The following FRMD5 variants were observed in gnomAD, a reference collection of about 807,000 sequenced individuals.
FRMD5 encodes the protein FERM domain containing 5.
A neutral mutation model predicts 69.0 loss-of-function variants in FRMD5; 20 were observed. That is an observed-to-expected ratio of 0.29 (90% CI 0.20 to 0.42). FRMD5 has a LOEUF of 0.42. FRMD5 is among the 10% of genes least tolerant of loss of function. FRMD5 has a pLI of 1.00. For synonymous variants in FRMD5, 271 were observed against 260.1 expected (o/e 1.04, Z -0.40); for missense variants, 595 against 708.6 (o/e 0.84, Z 1.82).
At chr15:43,876,006 C>T in intron 13 of FRMD5, 1 of 1,310,662 alleles carries the variant, frequency 7.6e-7, no homozygotes, top group Non-Finnish European at 1.1e-6. Flanking sequence ...ACCCAAGACG[C>T]CCCCTTGCCT....
chr15:43,986,256 C>T (rs1390098397), intron 1 of FRMD5, among the ~76,000 whole-genome samples: 7 of 152,176 alleles, frequency 4.6e-5, no homozygotes, highest in African/African-American at 1.7e-4. Flanking sequence ...GGGGTTGCCT[C>T]CTTGTCTTCC....
At chr15:44,063,792 C>T (rs1196238824) in intron 1 of FRMD5, 1 of 319,362 alleles carries the variant, frequency 3.1e-6, no homozygotes, top group Non-Finnish European at 6.1e-6. Flanking sequence ...GCACTAATTA[C>T]ATCATGGAGT....
At chr15:43,999,551 G>C (rs1368633339) in intron 1 of FRMD5, among the ~76,000 whole-genome samples, 2 of 151,914 alleles carry the variant, frequency 1.3e-5, no homozygotes. Context: ...ATTTACTTAT[G>C]ACTGCAAGTT....
chr15:44,072,227 C>T (rs575582938), intron 1 of FRMD5, among the ~76,000 whole-genome samples: 2 of 152,160 alleles, frequency 1.3e-5, no homozygotes, highest in Admixed American at 1.3e-4. Flanking sequence ...ACAAAACATG[C>T]TTTAGACCTA....
intron 1 of FRMD5, among the ~76,000 whole-genome samples, chr15:44,046,116 T>G (rs1231003728): frequency 3.3e-5 from 5 of 152,164 alleles, no homozygotes; most frequent in Admixed American, 3.3e-4. Context: ...GAGTACATAC[T>G]CAGCAAATAA....
At chr15:43,924,131 T>C in intron 2 of FRMD5, 74 bp downstream of exon 2, 1 of 1,136,158 alleles carries the variant, frequency 8.8e-7, no homozygotes, top group South Asian at 1.3e-5. Context: ...TGACTTTGAA[T>C]ATGAATGACA....
At chr15:44,150,517 C>T (rs2077426781) in intron 1 of FRMD5, among the ~76,000 whole-genome samples, 1 of 151,888 alleles carries the variant, frequency 6.6e-6, no homozygotes. Flanking sequence ...TGATGGCTGA[C>T]TCCTGTAATC....
chr15:44,074,848 G>A (rs955076159), intron 1 of FRMD5, among the ~76,000 whole-genome samples: 1 of 152,160 alleles, frequency 6.6e-6, no homozygotes, highest in Non-Finnish European at 1.5e-5. Context: ...CCTCCTGCCT[G>A]CTTTTCATAG....
rs1323800972 is a variant in FRMD5 at position 44,195,122 on chromosome 15, C to A, written c.-68G>T. The A allele has an allele frequency of 2.3e-6, 3 of 1,316,916 alleles. No individual in the cohort carries two copies. The highest frequency in any genetic ancestry group is 2.0e-6 in the Non-Finnish European group (2 of 980,528). 81.6% of individuals were successfully genotyped at this position (1,316,916 alleles called of 1,614,324 possible). A position where few individuals can be genotyped will look rare whatever the true frequency, so the allele number is the denominator to read the frequency against. On this transcript the variant is annotated 5_prime_UTR_variant, in exon 1 of 14. Transcript: ENST00000417257. ...ACCCTGGACCAGGCGTCCCTCAGCC[C>A]GGCAGCTCCGCACCGACCCCAGGCA...
intron 1 of FRMD5, among the ~76,000 whole-genome samples, chr15:44,080,031 A>C (rs1331905517): frequency 2.0e-5 from 3 of 152,138 alleles, no homozygotes; most frequent in Non-Finnish European, 4.4e-5. Flanking sequence ...AATGGCAGTG[A>C]TGTTAGCACA....
At chr15:44,032,897 A>C (rs1891746611) in intron 1 of FRMD5, among the ~76,000 whole-genome samples, 2 of 152,198 alleles carry the variant, frequency 1.3e-5, no homozygotes, top group Non-Finnish European at 2.9e-5. Context: ...TGCCATAAAG[A>C]CACATGCATG....
intron 1 of FRMD5, among the ~76,000 whole-genome samples, chr15:44,111,512 G>T (rs1042976555): frequency 1.3e-5 from 2 of 152,148 alleles, no homozygotes; most frequent in African/African-American, 4.8e-5. Context: ...TAAAGCAACT[G>T]CTAGTATCCT....
intron 1 of FRMD5, among the ~76,000 whole-genome samples, chr15:44,054,146 T>C (rs1892775495): frequency 6.6e-6 from 1 of 152,252 alleles, no homozygotes; most frequent in Non-Finnish European, 1.5e-5. Flanking sequence ...TTATGTCTTT[T>C]AAAACACAAA....
chr15:43,876,319 C>T (rs1198439522), intron 13 of FRMD5: 3 of 1,030,350 alleles, frequency 2.9e-6, no homozygotes, highest in African/African-American at 1.6e-5. Flanking sequence ...GAATTCCAAA[C>T]TACCCCTGAT....
At chr15:44,130,885 T>C (rs1327013335) in intron 1 of FRMD5, among the ~76,000 whole-genome samples, 2 of 152,192 alleles carry the variant, frequency 1.3e-5, no homozygotes, top group Non-Finnish European at 2.9e-5. Context: ...TATATACTAG[T>C]AATTTCACAG....
At chr15:43,933,330 AC>A (rs1383334133) in intron 1 of FRMD5, among the ~76,000 whole-genome samples, 1 of 152,214 alleles carries the variant, frequency 6.6e-6, no homozygotes, top group African/African-American at 2.4e-5. Flanking sequence ...TAGGAAGCAT[AC>A]CATACTCCGG....
intron 1 of FRMD5, among the ~76,000 whole-genome samples, chr15:44,159,381 G>A (rs755736218): frequency 3.9e-5 from 6 of 152,102 alleles, no homozygotes; most frequent in Non-Finnish European, 7.3e-5. Context: ...AAAGGAGTAC[G>A]GAGGCTAAAC....
intron 7 of FRMD5, among the ~76,000 whole-genome samples, chr15:43,895,038 CCT>C (rs1377490455): frequency 6.6e-6 from 1 of 152,142 alleles, no homozygotes; most frequent in Non-Finnish European, 1.5e-5. Context: ...CCCACCTCAG[CCT>C]CCCAAAGTGC....
intron 1 of FRMD5, among the ~76,000 whole-genome samples, chr15:43,997,252 G>A (rs773304710): frequency 6.6e-6 from 1 of 152,034 alleles, no homozygotes; most frequent in African/African-American, 2.4e-5. Flanking sequence ...GCTTGTTTAC[G>A]GCATCTTTGC....
Sources: gnomAD v4.1 joint callset for allele counts (sites outside exome capture counted in the v4.1 genomes callset) on GRCh38, gnomAD v4.1.1 for gene constraint, MANE v1.5 for transcripts, NCBI Gene and HGNC (gene_info 2026-07-23, HGNC 2026-07-21) for gene names.